The following PTBP2 variants were observed in gnomAD, a reference collection of about 807,000 sequenced individuals.
PTBP2 encodes the protein polypyrimidine tract-binding protein 2.
In PTBP2, 13 loss-of-function variants were observed where a neutral mutation model predicts 61.4. That is an observed-to-expected ratio of 0.21 (90% confidence interval 0.14 to 0.34). The LOEUF is 0.34. Among genes scored for constraint, PTBP2 ranks in the 10% least tolerant of loss-of-function variants. PTBP2 has a pLI of 1.00. For synonymous variants in PTBP2, 215 were observed against 218.5 expected (o/e 0.98, Z 0.14); for missense variants, 405 against 642.6 (o/e 0.63, Z 4.00).
chr1:96,738,063 T>G (rs1470764116), intron 2 of PTBP2, among the ~76,000 whole-genome samples: 1 of 152,218 alleles, frequency 6.6e-6, no homozygotes, highest in Non-Finnish European at 1.5e-5. Flanking sequence ...TACTTTGCTA[T>G]TTGATACAGA....
At chr1:96,748,271 C>T (rs181467482) in intron 2 of PTBP2, among the ~76,000 whole-genome samples, 11 of 152,238 alleles carry the variant, frequency 7.2e-5, no homozygotes, top group East Asian at 1.9e-4. Context: ...TTGCCTTCTT[C>T]GCAGACCTGG....
chr1:96,744,450 A>T (rs1281768633), intron 2 of PTBP2, among the ~76,000 whole-genome samples: 1 of 152,176 alleles, frequency 6.6e-6, no homozygotes, highest in African/African-American at 2.4e-5. Flanking sequence ...TAAAATATGC[A>T]ATAAATGCTA....
intron 8 of PTBP2, among the ~76,000 whole-genome samples, chr1:96,802,189 A>ATCAC (rs1661070262): frequency 7.0e-6 from 1 of 142,952 alleles, no homozygotes; most frequent in East Asian, 2.1e-4. Flanking sequence ...CCAACCTGAG[A>ATCAC]GACACAGCGA....
intron 2 of PTBP2, among the ~76,000 whole-genome samples, chr1:96,724,269 T>C (rs1469939078): frequency 6.6e-6 from 1 of 150,512 alleles, no homozygotes; most frequent in Non-Finnish European, 1.5e-5. Flanking sequence ...TTTGTTTTTT[T>C]GAGACGGAGC....
intron 7 of PTBP2, among the ~76,000 whole-genome samples, chr1:96,781,130 T>G (rs1007730501): frequency 2.0e-5 from 3 of 152,050 alleles, no homozygotes; most frequent in African/African-American, 7.2e-5. Flanking sequence ...TGACACAGAC[T>G]TCTTATATTC....
At chr1:96,743,762 A>G (rs1653368073) in intron 2 of PTBP2, among the ~76,000 whole-genome samples, 1 of 152,126 alleles carries the variant, frequency 6.6e-6, no homozygotes. Flanking sequence ...GTTTAATAAC[A>G]TTTATTTTCT....
intron 2 of PTBP2, chr1:96,749,493 A>C: frequency 3.1e-6 from 1 of 326,742 alleles, no homozygotes; most frequent in East Asian, 7.9e-5. Flanking sequence ...TAAAACTTTA[A>C]GCATCACTTA....
At chr1:96,724,932 G>A (rs1650181914) in intron 2 of PTBP2, among the ~76,000 whole-genome samples, 1 of 152,158 alleles carries the variant, frequency 6.6e-6, no homozygotes, top group African/African-American at 2.4e-5. Context: ...GTGTTTTCTT[G>A]CTTATTTTCT....
chr1:96,755,396 C>G (rs886068829), intron 3 of PTBP2, among the ~76,000 whole-genome samples: 6 of 152,156 alleles, frequency 3.9e-5, no homozygotes, highest in African/African-American at 1.4e-4. Context: ...ATTCACAATA[C>G]TGCTGATGGG....
At chr1:96,797,214 C>A (rs758447429) in intron 8 of PTBP2, among the ~76,000 whole-genome samples, 1 of 152,010 alleles carries the variant, frequency 6.6e-6, no homozygotes, top group African/African-American at 2.4e-5. Context: ...TAACATTGTG[C>A]GGTGAGGTAG....
intron 8 of PTBP2, 52 bp from the exon 9 acceptor site, chr1:96,804,748 T>A (rs1661341188): frequency 6.5e-6 from 10 of 1,542,708 alleles, no homozygotes; most frequent in African/African-American, 1.4e-5. Flanking sequence ...AAACGACTTG[T>A]GTGTGTTTCG....
intron 7 of PTBP2, among the ~76,000 whole-genome samples, chr1:96,781,601 T>C (rs182331140): frequency 6.6e-6 from 1 of 152,178 alleles, no homozygotes; most frequent in Non-Finnish European, 1.5e-5. Context: ...CAAGTATCAG[T>C]TTAGAAGCCT....
chr1:96,771,671 G>T (rs573862889), intron 5 of PTBP2, among the ~76,000 whole-genome samples: 2 of 152,072 alleles, frequency 1.3e-5, no homozygotes, highest in African/African-American at 4.8e-5. Flanking sequence ...TTATCAAGAG[G>T]AAGAATACCA....
At chr1:96,787,994 A>G (rs1218772594) in intron 8 of PTBP2, among the ~76,000 whole-genome samples, 1 of 152,164 alleles carries the variant, frequency 6.6e-6, no homozygotes, top group Admixed American at 6.5e-5. Flanking sequence ...TCTAAAGGTG[A>G]TATTAACTTA....
At position 96,737,069 on chromosome 1, in the gene PTBP2, T is replaced by C. The variant is rs977614534; in HGVS notation, c.39+13475T>C. Among the ~76,000 whole-genome samples, 17 of 151,920 alleles carry C rather than the reference T, an allele frequency of 1.1e-4. No homozygotes were observed. In the South Asian group the frequency reaches 1.5e-3, roughly 13 times the overall value. Reference sequence around the variant, plus strand: ...ATCTCTGCTTCCTGCAAGCTCTGCCTCCTGGGTTCACGCCATTCTCCTGCC... The same window carrying C: ...ATCTCTGCTTCCTGCAAGCTCTGCCCCCTGGGTTCACGCCATTCTCCTGCC... On this transcript the variant is annotated intron_variant, in intron 2 of 13. Coordinates refer to ENST00000674951, the MANE Select transcript of PTBP2 (RefSeq NM_021190.4).
At chr1:96,748,663 T>A (rs1266028126) in intron 2 of PTBP2, among the ~76,000 whole-genome samples, 3 of 152,234 alleles carry the variant, frequency 2.0e-5, no homozygotes, top group African/African-American at 7.2e-5. Context: ...ATTAAAAATT[T>A]TTTAAAGAGC....
intron 3 of PTBP2, among the ~76,000 whole-genome samples, chr1:96,758,315 A>C (rs1655395047): frequency 1.3e-5 from 2 of 152,080 alleles, no homozygotes; most frequent in South Asian, 4.1e-4. Flanking sequence ...CTAGTCATAG[A>C]TGGTTTCACT....
intron 5 of PTBP2, among the ~76,000 whole-genome samples, chr1:96,772,470 T>C (rs1657490345): frequency 6.6e-6 from 1 of 152,032 alleles, no homozygotes; most frequent in South Asian, 2.1e-4. Flanking sequence ...CACAATACAG[T>C]ATTATGCATT....
intron 7 of PTBP2, among the ~76,000 whole-genome samples, chr1:96,783,488 T>C (rs1658913630): frequency 6.6e-6 from 1 of 152,046 alleles, no homozygotes; most frequent in African/African-American, 2.4e-5. Flanking sequence ...TGGGAAAGAA[T>C]TCAACTCCTA....
Sources: gnomAD v4.1 joint callset for allele counts (sites outside exome capture counted in the v4.1 genomes callset) on GRCh38, gnomAD v4.1.1 for gene constraint, MANE v1.5 for transcripts, NCBI Gene and HGNC (gene_info 2026-07-23, HGNC 2026-07-21) for gene names.